Variants in SSBP2 observed in about 807,000 individuals in gnomAD.
SSBP2 encodes single-stranded DNA-binding protein 2.
A neutral mutation model predicts 61.8 loss-of-function variants in SSBP2; 17 were observed. That is an observed-to-expected ratio of 0.28 (90% CI 0.19 to 0.41). The LOEUF (loss-of-function observed/expected upper bound fraction) is 0.41. Among genes scored for constraint, SSBP2 ranks in the 10% least tolerant of loss-of-function variants. The pLI, the probability that SSBP2 is intolerant of heterozygous loss-of-function variation, is 1.00. For synonymous variants in SSBP2, 139 were observed against 141.3 expected (o/e 0.98, Z 0.12); for missense variants, 310 against 458.7 (o/e 0.68, Z 2.96).
chr5:81,664,613 G>A (rs1415120339), intron 1 of SSBP2, among the ~76,000 whole-genome samples: 1 of 152,130 alleles, frequency 6.6e-6, no homozygotes, highest in Non-Finnish European at 1.5e-5. Context: ...TCTTAGCACA[G>A]CATCCTCTGA....
At chr5:81,456,957 A>G (rs945261656) in intron 10 of SSBP2, among the ~76,000 whole-genome samples, 3 of 152,260 alleles carry the variant, frequency 2.0e-5, no homozygotes, top group Non-Finnish European at 4.4e-5. Flanking sequence ...AAATGGAAGC[A>G]TCAGTGTGCA....
intron 15 of SSBP2, among the ~76,000 whole-genome samples, chr5:81,434,864 C>T (rs553192444): frequency 2.0e-5 from 3 of 152,104 alleles, no homozygotes; most frequent in African/African-American, 7.2e-5. Context: ...GTGTATACCT[C>T]GTAGTCAAAG....
At chr5:81,531,380 C>G (rs562716944) in intron 4 of SSBP2, among the ~76,000 whole-genome samples, 7 of 151,486 alleles carry the variant, frequency 4.6e-5, no homozygotes, top group African/African-American at 7.3e-5. Flanking sequence ...GCTTATATAC[C>G]AGACACTGGC....
chr5:81,493,279 T>TAGATAGAC, intron 5 of SSBP2, among the ~76,000 whole-genome samples: 1 of 151,510 alleles, frequency 6.6e-6, no homozygotes, highest in Non-Finnish European at 1.5e-5. Context: ...GATAGATAGA[T>TAGATAGAC]AGATAGATAG....
chr5:81,710,474 G>T (rs1291219950), intron 1 of SSBP2, among the ~76,000 whole-genome samples: 1 of 151,960 alleles, frequency 6.6e-6, no homozygotes, highest in Non-Finnish European at 1.5e-5. Context: ...GACCTATACA[G>T]TTACAACATT....
At chr5:81,614,408 C>T (rs1745798575) in intron 4 of SSBP2, among the ~76,000 whole-genome samples, 1 of 150,282 alleles carries the variant, frequency 6.7e-6, no homozygotes. Context: ...TGCCAGGTAG[C>T]CAAGATTTTC....
At chr5:81,529,045 C>T (rs1296323497) in intron 4 of SSBP2, among the ~76,000 whole-genome samples, 2 of 151,776 alleles carry the variant, frequency 1.3e-5, no homozygotes, top group African/African-American at 4.8e-5. Context: ...TTTTCAAGCA[C>T]TCTTTTAACC....
At chr5:81,650,746 G>C (rs749262036) in intron 1 of SSBP2, among the ~76,000 whole-genome samples, 1 of 151,970 alleles carries the variant, frequency 6.6e-6, no homozygotes, top group Non-Finnish European at 1.5e-5. Context: ...TCTTTTTGGC[G>C]AATGTTAATA....
At chr5:81,551,988 TA>T (rs1772228567) in intron 4 of SSBP2, among the ~76,000 whole-genome samples, 1 of 152,196 alleles carries the variant, frequency 6.6e-6, no homozygotes, top group Non-Finnish European at 1.5e-5. Context: ...TCATAAAAGG[TA>T]TCAGTGTATC....
At position 81,448,673 on chromosome 5, in the gene SSBP2, G is replaced by C. The variant is rs1477688975; in HGVS notation, c.723+117C>G. 6.2e-6 allele frequency: 6 copies of C among 960,732 alleles called. 1 individual carries two copies. The highest frequency in any genetic ancestry group is 2.2e-4 in the Middle Eastern group (1 of 4,612). 59.5% of individuals were successfully genotyped at this position (960,732 alleles called of 1,614,324 possible). Reference sequence around the variant, plus strand: ...GAGGTTGGCAGATGAAACAACTCAAGATGTTCACTTCTTGGCCAATACACA... The same window carrying C: ...GAGGTTGGCAGATGAAACAACTCAACATGTTCACTTCTTGGCCAATACACA... On this transcript the variant is annotated intron_variant, in intron 11 of 16. Transcript: ENST00000320672.
chr5:81,697,467 G>A (rs1042780422), intron 1 of SSBP2, among the ~76,000 whole-genome samples: 3 of 152,092 alleles, frequency 2.0e-5, no homozygotes, highest in South Asian at 2.1e-4. Flanking sequence ...AACTTATAAC[G>A]TAGTATTTAT....
intron 4 of SSBP2, among the ~76,000 whole-genome samples, chr5:81,563,262 T>C (rs1237795748): frequency 6.6e-6 from 1 of 152,146 alleles, no homozygotes; most frequent in Middle Eastern, 3.2e-3. Flanking sequence ...AATGAGAGTC[T>C]TTTCAATAAA....
At chr5:81,577,371 G>C (rs2153462383) in intron 4 of SSBP2, among the ~76,000 whole-genome samples, 1 of 152,096 alleles carries the variant, frequency 6.6e-6, no homozygotes, top group East Asian at 1.9e-4. Flanking sequence ...ATATGAAACA[G>C]TGTAAACTTG....
chr5:81,422,743 C>A (rs1282632936), intron 16 of SSBP2, among the ~76,000 whole-genome samples: 1 of 151,654 alleles, frequency 6.6e-6, no homozygotes, highest in South Asian at 2.1e-4. Context: ...TTGATCATAG[C>A]AGCAGAAAAG....
At chr5:81,428,960 C>T (rs778662727) in intron 15 of SSBP2, among the ~76,000 whole-genome samples, 21 of 152,098 alleles carry the variant, frequency 1.4e-4, no homozygotes, top group Non-Finnish European at 2.4e-4. Flanking sequence ...TTCCCACCCT[C>T]AGCTTATAGA....
At chr5:81,496,540 A>G (rs1308138803) in intron 5 of SSBP2, among the ~76,000 whole-genome samples, 1 of 152,216 alleles carries the variant, frequency 6.6e-6, no homozygotes, top group East Asian at 1.9e-4. Flanking sequence ...ATATAAACTT[A>G]CAAAATAATT....
chr5:81,735,545 T>C (rs908500733), intron 1 of SSBP2, among the ~76,000 whole-genome samples: 12 of 152,332 alleles, frequency 7.9e-5, no homozygotes, highest in South Asian at 2.1e-4. Flanking sequence ...ACAGTTCTTA[T>C]ACTGTATTGT....
rs537363119 is a variant in SSBP2, at chr5:81,455,625, C to CAAAAAAA, written c.687+5423_687+5429dup. 4.4e-3 allele frequency among the ~76,000 whole-genome samples: 55 copies of CAAAAAAA among 12,576 alleles called. 8 individuals carry two copies. Among genetic ancestry groups the CAAAAAAA allele is most frequent in the Middle Eastern group, 0.056 (1 of 18 alleles). The allele number at this position is 12,576 out of a possible 152,430, so 8.3% of individuals were successfully genotyped here. A position where few individuals can be genotyped will look rare whatever the true frequency, so the allele number is the denominator to read the frequency against. On this transcript the variant is annotated intron_variant, in intron 10 of 16. Transcript: ENST00000320672. Reference sequence around the variant, plus strand: ...TGGGCGACAGAGCGAGACTCCGTCTCAAAAAAAAAAAAAAAAAAAAAAAAA... The same window carrying CAAAAAAA: ...TGGGCGACAGAGCGAGACTCCGTCTCAAAAAAAAAAAAAAAAAAAAAAAAAAAAAAAA...
In SSBP2 at chr5:81,585,553, GTA is replaced by G. The variant is rs542990022; in HGVS notation, c.282+29918_282+29919del. ...TGCAATTGACAAAAATTGTGTGTGT[GTA>G]TATATATATATATATGGTTTACAGC... On this transcript the variant is annotated intron_variant, in intron 4 of 16. Coordinates refer to ENST00000320672, the MANE Select transcript of SSBP2 (RefSeq NM_012446.5). Among the ~76,000 whole-genome samples, 450 of 149,080 alleles carry G rather than the reference GTA, an allele frequency of 3.0e-3. 1 individual carries two copies. Among genetic ancestry groups the G allele is most frequent in the African/African-American group, 8.8e-3 (362 of 40,918 alleles).
Sources: allele counts gnomAD v4.1 joint callset (sites outside exome capture counted in the v4.1 genomes callset), GRCh38; gene constraint gnomAD v4.1.1; transcripts MANE v1.5; gene names NCBI Gene and HGNC (gene_info 2026-07-23, HGNC 2026-07-21).